The following NRG1 variants were observed in gnomAD, a reference collection of about 807,000 sequenced individuals.
The protein encoded by NRG1 is neuregulin 1.
NRG1 carries 18 observed loss-of-function variants against 63.8 expected under a neutral mutation model. That is an observed-to-expected ratio of 0.28 (90% CI 0.19 to 0.42). NRG1 has a LOEUF of 0.42. NRG1 is among the 10% of genes least tolerant of loss of function. The pLI, the probability that NRG1 is intolerant of heterozygous loss-of-function variation, is 1.00. For missense variants in NRG1, 762 were observed against 814.7 expected, an observed-to-expected ratio of 0.94 and a Z score of 0.79; for synonymous variants, 302 against 301.3, an observed-to-expected ratio of 1.00 and a Z score of -0.02.
At position 31,823,893 on chromosome 8, in the gene NRG1, AAGAGGCAAAGCTTCTGAATACAAC is replaced by A. The variant is rs1301012461; in HGVS notation, c.37+184465_37+184488del. Among the ~76,000 whole-genome samples, 24 of 152,216 alleles carry A rather than the reference AAGAGGCAAAGCTTCTGAATACAAC, an allele frequency of 1.6e-4. 1 individual carries two copies. In the East Asian group the frequency reaches 3.1e-3, roughly 20 times the overall value. On this transcript the variant is annotated intron_variant, in intron 1 of 10. Coordinates refer to the NRG1 transcript ENST00000519301. ...AATAATTTAAAGACATACAACCTAG[AAGAGGCAAAGCTTCTGAATACAAC>A]AGCTATCTAACTCCAAAGGTCTTGG...
At chr8:32,233,567 T>TC (rs1563934742) in intron 1 of NRG1, among the ~76,000 whole-genome samples, 1 of 62,078 alleles carries the variant, frequency 1.6e-5, no homozygotes, top group African/African-American at 6.8e-5. Flanking sequence ...ATATATATTT[T>TC]TTTTTTTTTT....
chr8:32,024,635 A>T (rs1816965304), intron 1 of NRG1, among the ~76,000 whole-genome samples: 1 of 152,152 alleles, frequency 6.6e-6, no homozygotes, highest in Admixed American at 6.5e-5. Context: ...CATCTCTGAG[A>T]CTCCTGCGGG....
intron 5 of NRG1, among the ~76,000 whole-genome samples, chr8:32,626,730 G>C (rs1849360804): frequency 6.6e-6 from 1 of 151,508 alleles, no homozygotes; most frequent in Admixed American, 6.6e-5. Flanking sequence ...TAATTTAAAA[G>C]AAAATTTTGG....
chr8:32,742,763 G>C lies in NRG1; in HGVS notation c.691+30G>C, dbSNP rs765398697. On this transcript the variant is annotated intron_variant, in intron 7 of 11. Transcript: ENST00000356819. This position sits in a 1 kb window ranked among gnomAD's most constrained non-coding sequence, Gnocchi z 4.2. Reference sequence around the variant, plus strand: ...GTCCACTCCCTTTCTGTCTCTGCCTGAATAGGAGCATGCTCAGTTGGTGCT... The same window carrying C: ...GTCCACTCCCTTTCTGTCTCTGCCTCAATAGGAGCATGCTCAGTTGGTGCT... 1 of 1,613,642 alleles carries C rather than the reference G, an allele frequency of 6.2e-7. No individual in the cohort carries two copies. The highest frequency in any genetic ancestry group is 8.5e-7 in the Non-Finnish European group (1 of 1,179,658).
chr8:32,680,810 G>A (rs1053951137), intron 5 of NRG1, among the ~76,000 whole-genome samples: 4 of 151,832 alleles, frequency 2.6e-5, no homozygotes, highest in African/African-American at 9.7e-5. Context: ...GAGGATAGAG[G>A]CATTATGTTA....
At chr8:32,054,859 CTTTCTTTTTTTTTTTTTT>C (rs1822607806) in intron 1 of NRG1, among the ~76,000 whole-genome samples, 22 of 70,664 alleles carry the variant, frequency 3.1e-4, no homozygotes, top group Admixed American at 3.5e-4. Context: ...AGATTTCTTT[CTTTCTTTTTTTTTTTTTT>C]TTTTTTTTTT....
intron 3 of NRG1, among the ~76,000 whole-genome samples, chr8:32,608,461 C>G (rs1236959655): frequency 1.3e-5 from 2 of 152,108 alleles, no homozygotes; most frequent in South Asian, 2.1e-4. Context: ...ACCTTGAACT[C>G]CCAAAGTGCT....
intron 1 of NRG1, among the ~76,000 whole-genome samples, chr8:32,337,682 A>AAAAAAT (rs1554511693): frequency 3.4e-5 from 4 of 116,632 alleles, no homozygotes; most frequent in Non-Finnish European, 5.7e-5. Flanking sequence ...AAAAAAAAAA[A>AAAAAAT]GCTGATGCAG....
chr8:32,527,979 C>T (rs914837922), intron 1 of NRG1, among the ~76,000 whole-genome samples: 1 of 152,220 alleles, frequency 6.6e-6, no homozygotes, highest in African/African-American at 2.4e-5. Flanking sequence ...CTTGCCTCCC[C>T]TTGACTGGTA....
At chr8:32,233,809 C>T (rs565719920) in intron 1 of NRG1, among the ~76,000 whole-genome samples, 14 of 152,014 alleles carry the variant, frequency 9.2e-5, no homozygotes, top group African/African-American at 3.1e-4. Context: ...GTGATCCACC[C>T]CCCCATCAGC....
chr8:31,908,202 G>A (rs983334206), intron 1 of NRG1, among the ~76,000 whole-genome samples: 2 of 152,170 alleles, frequency 1.3e-5, no homozygotes, highest in Non-Finnish European at 2.9e-5. Flanking sequence ...CCTGTAGGCA[G>A]AGAGAAAAAA....
chr8:31,726,704 G>A (rs1813482842), intron 1 of NRG1, among the ~76,000 whole-genome samples: 1 of 152,136 alleles, frequency 6.6e-6, no homozygotes, highest in African/African-American at 2.4e-5. Context: ...CAGAGCAGTT[G>A]CAGTAGAATC....
chr8:32,051,121 A>C (rs774657011), intron 1 of NRG1, among the ~76,000 whole-genome samples: 1 of 152,132 alleles, frequency 6.6e-6, no homozygotes, highest in Non-Finnish European at 1.5e-5. Context: ...GGAGCAGGAG[A>C]TGCTCTTGTG....
chr8:32,075,859 G>A (rs1348798268), intron 1 of NRG1, among the ~76,000 whole-genome samples: 2 of 152,154 alleles, frequency 1.3e-5, no homozygotes, highest in South Asian at 4.1e-4. Flanking sequence ...TCATAGTAGA[G>A]ACGGGGTTTC....
chr8:32,492,794 C>T (rs182295801), intron 1 of NRG1, among the ~76,000 whole-genome samples: 6 of 152,176 alleles, frequency 3.9e-5, no homozygotes, highest in Admixed American at 6.5e-5. Flanking sequence ...AACTGTCTGT[C>T]CCAGTCTAGG....
chr8:32,097,958 A>G (rs992594071), intron 1 of NRG1, among the ~76,000 whole-genome samples: 4 of 152,212 alleles, frequency 2.6e-5, no homozygotes, highest in Non-Finnish European at 2.9e-5. Flanking sequence ...TTTAGAAGAC[A>G]TTGGAATATA....
chr8:32,092,120 AC>A lies in NRG1; in HGVS notation c.37+452691del, dbSNP rs571363330. Among the ~76,000 whole-genome samples, 314 of 152,246 alleles carry A rather than the reference AC, an allele frequency of 2.1e-3. 2 individuals carry two copies. Among genetic ancestry groups the A allele is most frequent in the African/African-American group, 7.1e-3 (297 of 41,544 alleles). On this transcript the variant is annotated intron_variant, in intron 1 of 10. Transcript: ENST00000519301. ...TATGTTATTTCACAACATATGTAAA[AC>A]CATTAAAATACATTGACATCCCAAC... is the stretch of plus-strand genomic sequence containing the variant.
chr8:32,158,665 C>T (rs1838453252), intron 1 of NRG1, among the ~76,000 whole-genome samples: 1 of 151,478 alleles, frequency 6.6e-6, no homozygotes, highest in Admixed American at 6.6e-5. Flanking sequence ...AATGGATCTT[C>T]ATAGAGAGTA....
At chr8:32,594,437 G>A (rs570819793) in intron 1 of NRG1, among the ~76,000 whole-genome samples, 1 of 152,278 alleles carries the variant, frequency 6.6e-6, no homozygotes, top group South Asian at 2.1e-4. Flanking sequence ...AATTATGTGT[G>A]AGAGGAAAAT....
Sources: allele counts gnomAD v4.1 joint callset (sites outside exome capture counted in the v4.1 genomes callset), GRCh38; gene constraint gnomAD v4.1.1; non-coding constraint Gnocchi (gnomAD v3.1); transcripts MANE v1.5; gene names NCBI Gene and HGNC (gene_info 2026-07-23, HGNC 2026-07-21).